DPP6: variants seen among roughly 807,000 people sequenced by gnomAD.
The protein encoded by DPP6 is dipeptidyl peptidase like 6.
A neutral mutation model predicts 122.6 loss-of-function variants in DPP6; 69 were observed. That is an observed-to-expected ratio of 0.56 (90% CI 0.46 to 0.69). The LOEUF (loss-of-function observed/expected upper bound fraction) is 0.69, where lower values mean the gene tolerates loss of function less well. Among genes scored for constraint, DPP6 ranks in the 30% least tolerant of loss-of-function variants. The pLI is 0.00. For missense variants in DPP6, 928 were observed against 1,116.9 expected (o/e 0.83, Z 2.41); for synonymous variants, 418 against 433.1 (o/e 0.97, Z 0.43).
chr7:154,592,716 A>G (rs1404711554), intron 5 of DPP6, among the ~76,000 whole-genome samples: 1 of 152,164 alleles, frequency 6.6e-6, no homozygotes, highest in Non-Finnish European at 1.5e-5. Flanking sequence ...GTGGAGGGAC[A>G]GGGAGCAGGC....
At chr7:154,539,662 T>G (rs1386756617) in intron 3 of DPP6, among the ~76,000 whole-genome samples, 1 of 152,036 alleles carries the variant, frequency 6.6e-6, no homozygotes, top group African/African-American at 2.4e-5. Context: ...GCATAAAAAT[T>G]CTAGAAGAAA....
intron 1 of DPP6, among the ~76,000 whole-genome samples, chr7:153,949,316 A>G (rs1475430516): frequency 2.0e-5 from 3 of 152,162 alleles, no homozygotes; most frequent in Non-Finnish European, 4.4e-5. Flanking sequence ...TTGTCCCTGA[A>G]GCTTCTTCCG....
In DPP6 at chr7:154,091,224, CAG is replaced by C. The variant is rs535443977; in HGVS notation, c.243+38164_243+38165del. ...AACCTTGAAGGGAACAGGAAAGAAA[CAG>C]AGCCTGTGATCAGTGGGCACTCACA... is the stretch of plus-strand genomic sequence containing the variant. On this transcript the variant is annotated intron_variant, in intron 1 of 25. Transcript: ENST00000377770. Among the ~76,000 whole-genome samples the C allele has an allele frequency of 3.3e-4, 50 of 152,160 alleles. No homozygotes were observed. The East Asian group carries it at 9.3e-3, about 28-fold the overall frequency.
chr7:154,438,509 AAG>A (rs1198324311), intron 1 of DPP6, among the ~76,000 whole-genome samples: 1 of 151,260 alleles, frequency 6.6e-6, no homozygotes, highest in East Asian at 1.9e-4. Context: ...AAAAGAAAAA[AAG>A]AAATATCTCC....
At chr7:154,112,655 A>G (rs1319361314) in intron 1 of DPP6, among the ~76,000 whole-genome samples, 1 of 152,084 alleles carries the variant, frequency 6.6e-6, no homozygotes, top group Non-Finnish European at 1.5e-5. Context: ...AAAAAAAGAA[A>G]AAAAAAAGGA....
chr7:154,584,199 C>G (rs372268533), intron 5 of DPP6, among the ~76,000 whole-genome samples: 6 of 152,346 alleles, frequency 3.9e-5, no homozygotes, highest in African/African-American at 1.4e-4. Context: ...TCTTCCCTAA[C>G]CCCCTTGCTG....
At chr7:154,021,095 C>A (rs542267864) in intron 1 of DPP6, among the ~76,000 whole-genome samples, 5 of 152,264 alleles carry the variant, frequency 3.3e-5, no homozygotes, top group East Asian at 3.9e-4. Context: ...TGGTGTAACA[C>A]CCACATGCAG....
At chr7:154,684,015 C>T (rs559910147) in intron 7 of DPP6, among the ~76,000 whole-genome samples, 1 of 152,138 alleles carries the variant, frequency 6.6e-6, no homozygotes. Context: ...ACCTCAGGCA[C>T]GTGCCACCAT....
chr7:153,806,139 C>T, the DPP6 span, among the ~76,000 whole-genome samples: 1 of 151,720 alleles, frequency 6.6e-6, no homozygotes, highest in African/African-American at 2.4e-5. Context: ...ATTAAGGTGC[C>T]TTTGGGGACA....
At chr7:154,577,045 G>T (rs1831726942) in intron 5 of DPP6, among the ~76,000 whole-genome samples, 1 of 152,126 alleles carries the variant, frequency 6.6e-6, no homozygotes, top group Non-Finnish European at 1.5e-5. Context: ...TTCCTGTGAT[G>T]ATGGGATTCA....
chr7:154,156,230 G>T (rs10952462), intron 1 of DPP6, among the ~76,000 whole-genome samples: 1 of 148,118 alleles, frequency 6.8e-6, no homozygotes, highest in Non-Finnish European at 1.5e-5. Context: ...CATCTCTTTT[G>T]CAGGCCGGCA....
chr7:154,841,766 C>G (rs1267253740), intron 16 of DPP6, among the ~76,000 whole-genome samples: 2 of 151,826 alleles, frequency 1.3e-5, no homozygotes, highest in Non-Finnish European at 2.9e-5. Flanking sequence ...CACGGCCCCC[C>G]TCGAGCCGCG....
intron 6 of DPP6, among the ~76,000 whole-genome samples, chr7:154,658,573 G>A (rs1200990135): frequency 6.6e-6 from 1 of 152,140 alleles, no homozygotes; most frequent in African/African-American, 2.4e-5. Context: ...GGGACCCTGG[G>A]CCAAGCTGGA....
chr7:154,736,131 A>G (rs1307456719), intron 8 of DPP6, among the ~76,000 whole-genome samples: 2 of 152,254 alleles, frequency 1.3e-5, no homozygotes, highest in African/African-American at 4.8e-5. Context: ...CACAAAGTGT[A>G]TGCCCTCACT....
rs2150876401 is a variant in DPP6, at chr7:154,241,869, C to T, written c.243+188806C>T. Among the ~76,000 whole-genome samples, 1 of 152,292 alleles carries T rather than the reference C, an allele frequency of 6.6e-6. No homozygotes were observed. Among genetic ancestry groups the T allele is most frequent in the East Asian group, 1.9e-4 (1 of 5,172 alleles). ...CCTGTGTCATCTCTGCTTTTCCACC[C>T]ACCCCTACCCCAACACTCATCCTAC... On this transcript the variant is annotated intron_variant, in intron 1 of 25. Coordinates refer to ENST00000377770, the MANE Select transcript of DPP6 (RefSeq NM_130797.4). The surrounding 1 kb of genome is among the most constrained non-coding windows in gnomAD (Gnocchi z 9.0).
the DPP6 span, among the ~76,000 whole-genome samples, chr7:153,867,983 G>A: frequency 1.3e-5 from 2 of 152,198 alleles, no homozygotes; most frequent in African/African-American, 4.8e-5. Flanking sequence ...AACCAGCCTT[G>A]CATCCCAGGG....
intron 8 of DPP6, among the ~76,000 whole-genome samples, chr7:154,734,037 G>A (rs899874347): frequency 1.3e-5 from 2 of 152,252 alleles, no homozygotes; most frequent in Admixed American, 1.3e-4. Context: ...AACTGGTACA[G>A]TCTTCAGTGA....
the DPP6 span, among the ~76,000 whole-genome samples, chr7:153,818,520 C>G: frequency 3.3e-5 from 5 of 152,192 alleles, no homozygotes; most frequent in African/African-American, 1.2e-4. Flanking sequence ...GGAAAAGCTA[C>G]AGCTATCAGT....
At position 154,052,659 on chromosome 7, in the gene DPP6, A is replaced by T; in HGVS notation, c.-162A>T. 8.0e-7 allele frequency: 1 copy of T among 1,256,246 alleles called. No homozygotes were observed. Among genetic ancestry groups the T allele is most frequent in the Non-Finnish European group, 1.0e-6 (1 of 990,546 alleles). 77.8% of individuals were successfully genotyped at this position (1,256,246 alleles called of 1,614,324 possible). On this transcript the variant is annotated 5_prime_UTR_variant, in exon 1 of 26. Transcript: ENST00000377770. This position sits in a 1 kb window ranked among gnomAD's most constrained non-coding sequence, Gnocchi z 4.8. Reference sequence around the variant, plus strand: ...CGGAGACTCGCGAGTGGCGCGCGGGAGGAGCGGCCGCCGGCGCTGGGCTTG... The same window carrying T: ...CGGAGACTCGCGAGTGGCGCGCGGGTGGAGCGGCCGCCGGCGCTGGGCTTG...
Sources: gnomAD v4.1 joint callset for allele counts (sites outside exome capture counted in the v4.1 genomes callset) on GRCh38, gnomAD v4.1.1 for gene constraint, Gnocchi (gnomAD v3.1) non-coding constraint, MANE v1.5 for transcripts, NCBI Gene and HGNC (gene_info 2026-07-23, HGNC 2026-07-21) for gene names.